SLC4A10: variants seen among roughly 807,000 people sequenced by gnomAD.
The protein encoded by SLC4A10 is sodium-driven chloride bicarbonate exchanger.
Under a neutral mutation model 137.7 loss-of-function variants are expected in SLC4A10, and 42 were observed. The observed-to-expected ratio is 0.30, with a 90% CI of 0.24 to 0.39. The LOEUF is 0.39. SLC4A10 is among the 10% of genes least tolerant of loss of function. The pLI is 1.00. For missense variants in SLC4A10, 925 were observed against 1,355.0 expected (o/e 0.68, Z 4.98); for synonymous variants, 474 against 464.1 (o/e 1.02, Z -0.27).
chr2:161,649,145 T>A (rs2036460571), intron 1 of SLC4A10, among the ~76,000 whole-genome samples: 1 of 152,196 alleles, frequency 6.6e-6, no homozygotes, highest in African/African-American at 2.4e-5. Flanking sequence ...AGGTGGTGGA[T>A]CCCTTTGACT....
chr2:161,831,404 T>C (rs1333657769), intron 3 of SLC4A10, among the ~76,000 whole-genome samples: 1 of 152,200 alleles, frequency 6.6e-6, no homozygotes, highest in Non-Finnish European at 1.5e-5. Flanking sequence ...ACATACCAGA[T>C]GTTTTATTGA....
In SLC4A10 at chr2:161,804,500, G is replaced by A. The variant is rs770073010; in HGVS notation, c.182G>A (p.Ser61Asn). The A allele has an allele frequency of 1.9e-6, 3 of 1,613,222 alleles. No individual in the cohort carries two copies. The South Asian group carries it at 3.3e-5, about 18-fold the overall frequency. The change falls in exon 3 of 27, where the codon AGC (serine) becomes AAC (asparagine). Residue 61 changes from serine to asparagine, a missense_variant. Transcript: ENST00000446997. ...GVHVPLGGRKSHRRHRHRGHK... is the reference protein window; with the variant it reads ...GVHVPLGGRKNHRRHRHRGHK... ...CATGTGCCCTTGGGAGGAAGAAAAA[G>A]CCATCGACGTCACAGGCATCGTGGT...
intron 8 of SLC4A10, among the ~76,000 whole-genome samples, chr2:161,878,538 A>AT (rs1380634887): frequency 6.6e-6 from 1 of 151,964 alleles, no homozygotes; most frequent in Admixed American, 6.6e-5. Context: ...AAATGTTAAT[A>AT]TTTTTTTCTT....
intron 1 of SLC4A10, among the ~76,000 whole-genome samples, chr2:161,661,570 T>G (rs2038408909): frequency 6.6e-6 from 1 of 152,274 alleles, no homozygotes; most frequent in African/African-American, 2.4e-5. Context: ...ATCTTCAGGA[T>G]AGTCTAATAC....
intron 15 of SLC4A10, among the ~76,000 whole-genome samples, chr2:161,934,941 A>G (rs1691304249): frequency 6.6e-6 from 1 of 152,108 alleles, no homozygotes; most frequent in Non-Finnish European, 1.5e-5. Flanking sequence ...AGTTTGATGT[A>G]ATCTCATTTG....
At chr2:161,730,608 T>G (rs1219929715) in intron 1 of SLC4A10, among the ~76,000 whole-genome samples, 1 of 152,192 alleles carries the variant, frequency 6.6e-6, no homozygotes, top group Non-Finnish European at 1.5e-5. Flanking sequence ...AGTAGTTAGG[T>G]CTCTGTCCTG....
intron 1 of SLC4A10, among the ~76,000 whole-genome samples, chr2:161,653,082 A>T (rs1487351351): frequency 6.6e-6 from 1 of 152,014 alleles, no homozygotes; most frequent in Non-Finnish European, 1.5e-5. Flanking sequence ...ACTCCCACTT[A>T]TGAATGAGAA....
At chr2:161,698,801 T>C (rs2042827083) in intron 1 of SLC4A10, among the ~76,000 whole-genome samples, 1 of 152,180 alleles carries the variant, frequency 6.6e-6, no homozygotes, top group Non-Finnish European at 1.5e-5. Context: ...GGGTTTGATA[T>C]CAGGATGATG....
intron 1 of SLC4A10, among the ~76,000 whole-genome samples, chr2:161,663,189 A>G (rs2038648962): frequency 6.6e-6 from 1 of 152,192 alleles, no homozygotes; most frequent in African/African-American, 2.4e-5. Flanking sequence ...TGAAGGGACT[A>G]AAACAATTTT....
At chr2:161,907,564 G>C (rs957289782) in intron 15 of SLC4A10, among the ~76,000 whole-genome samples, 5 of 152,210 alleles carry the variant, frequency 3.3e-5, no homozygotes, top group African/African-American at 1.2e-4. Flanking sequence ...GGAAATGAGT[G>C]CCGGGTTAAG....
At chr2:161,789,427 C>T (rs1488533164) in intron 2 of SLC4A10, among the ~76,000 whole-genome samples, 1 of 152,022 alleles carries the variant, frequency 6.6e-6, no homozygotes, top group Non-Finnish European at 1.5e-5. Flanking sequence ...TCGTGGCTCT[C>T]TTCCCTCAGC....
chr2:161,825,930 T>C (rs752267164), intron 3 of SLC4A10, among the ~76,000 whole-genome samples: 2 of 152,196 alleles, frequency 1.3e-5, no homozygotes, highest in Non-Finnish European at 2.9e-5. Context: ...GGTTTGCAAA[T>C]TCTGCATATA....
chr2:161,863,089 A>G, intron 6 of SLC4A10, 27 bp downstream of exon 6: 2 of 1,603,152 alleles, frequency 1.2e-6, no homozygotes, highest in South Asian at 2.2e-5. Flanking sequence ...TGTGCTCTTT[A>G]TGTCTACTAT....
chr2:161,896,089 C>T (rs1264977484), intron 11 of SLC4A10, among the ~76,000 whole-genome samples: 1 of 151,892 alleles, frequency 6.6e-6, no homozygotes, highest in Non-Finnish European at 1.5e-5. Context: ...TTAATTTTTG[C>T]CTGAGGTGTA....
intron 19 of SLC4A10, among the ~76,000 whole-genome samples, chr2:161,955,477 A>T (rs775872549): frequency 3.3e-5 from 5 of 152,176 alleles, no homozygotes; most frequent in Non-Finnish European, 7.3e-5. Context: ...ATTTTGGTAA[A>T]TTGTAGTATT....
At chr2:161,887,951 G>A (rs757638161) in intron 10 of SLC4A10, among the ~76,000 whole-genome samples, 9 of 152,168 alleles carry the variant, frequency 5.9e-5, no homozygotes, top group Non-Finnish European at 1.2e-4. Context: ...TTACATTTAA[G>A]TCTTTAATCC....
chr2:161,741,053 G>T (rs1481622052), intron 1 of SLC4A10, among the ~76,000 whole-genome samples: 1 of 151,968 alleles, frequency 6.6e-6, no homozygotes. Context: ...CAGGCAAATT[G>T]CTTGAGTCCA....
At chr2:161,836,544 GAA>G (rs1319073608) in intron 3 of SLC4A10, among the ~76,000 whole-genome samples, 370 of 34,856 alleles carry the variant, frequency 0.011, 16 homozygotes, top group African/African-American at 0.032. Flanking sequence ...AAGAAAGAAA[GAA>G]AGAAAGAAAG....
At chr2:161,721,783 C>G (rs574136327) in intron 1 of SLC4A10, among the ~76,000 whole-genome samples, 65 of 152,302 alleles carry the variant, frequency 4.3e-4, no homozygotes, top group African/African-American at 1.5e-3. Flanking sequence ...AGTATGTTTT[C>G]CAATTTGGTT....
Sources: gnomAD v4.1 joint callset for allele counts (sites outside exome capture counted in the v4.1 genomes callset) on GRCh38, gnomAD v4.1.1 for gene constraint, MANE v1.5 for transcripts, NCBI Gene and HGNC (gene_info 2026-07-23, HGNC 2026-07-21) for gene names.